Variants in VPS41 observed in about 807,000 individuals in gnomAD.
The protein encoded by VPS41 is VPS41 subunit of HOPS complex, also known as vacuolar protein sorting-associated protein 41 homolog.
VPS41 carries 85 observed loss-of-function variants against 130.9 expected under a neutral mutation model. The ratio of observed to expected loss-of-function variants is 0.65; its 90% CI spans 0.55 to 0.78. The LOEUF (loss-of-function observed/expected upper bound fraction) is 0.78, where lower values mean the gene tolerates loss of function less well. VPS41 is among the 30% of genes least tolerant of loss of function. The probability of loss-of-function intolerance (pLI) is 0.00; values close to 1 mark genes in which losing one functional copy is unlikely to be tolerated. For synonymous variants in VPS41, 335 were observed against 332.9 expected (o/e 1.01, Z -0.07); for missense variants, 874 against 1,018.7 (o/e 0.86, Z 1.93).
At chr7:38,841,148 AAAAG>A (rs373082759) in intron 4 of VPS41, among the ~76,000 whole-genome samples, 1 of 152,230 alleles carries the variant, frequency 6.6e-6, no homozygotes, top group South Asian at 2.1e-4. Flanking sequence ...TACAAAATAA[AAAAG>A]AAAGAATTTT....
At chr7:38,734,998 A>G (rs778757613) in intron 25 of VPS41, among the ~76,000 whole-genome samples, 36 of 152,210 alleles carry the variant, frequency 2.4e-4, no homozygotes, top group Non-Finnish European at 4.4e-4. Context: ...ATACGAAGGG[A>G]AAGAGATCCT....
chr7:38,798,112 AC>A (rs1784655504), intron 7 of VPS41, among the ~76,000 whole-genome samples: 1 of 151,868 alleles, frequency 6.6e-6, no homozygotes, highest in Admixed American at 6.6e-5. Flanking sequence ...ATGCCTTCCT[AC>A]CCCCACAGTT....
chr7:38,791,846 TA>T (rs1316399486), intron 9 of VPS41, among the ~76,000 whole-genome samples: 4 of 152,164 alleles, frequency 2.6e-5, no homozygotes, highest in African/African-American at 4.8e-5. Context: ...AGGATAGGTT[TA>T]GGGGGGGTAA....
chr7:38,909,153 C>A lies in VPS41; in HGVS notation c.21+1G>T. On this transcript the variant is annotated splice_donor_variant, in intron 1 of 28. Coordinates refer to ENST00000310301, the MANE Select transcript of VPS41 (RefSeq NM_014396.4). LOFTEE classifies it high-confidence loss of function. ...CCTCAACTACCACCTGCACCCTTTA[C>A]CTGCTCCTCTGCTTCCGCCATGGCG... 1 of 1,614,200 alleles carries A rather than the reference C, an allele frequency of 6.2e-7. No individual in the cohort carries two copies. The highest frequency in any genetic ancestry group is 8.5e-7 in the Non-Finnish European group (1 of 1,180,010).
At chr7:38,894,229 A>C (rs1370544556) in intron 2 of VPS41, among the ~76,000 whole-genome samples, 1 of 152,184 alleles carries the variant, frequency 6.6e-6, no homozygotes, top group East Asian at 1.9e-4. Flanking sequence ...GTGGTGTCTC[A>C]AAATATCGCT....
At chr7:38,734,402 T>C (rs989567799) in intron 25 of VPS41, among the ~76,000 whole-genome samples, 1 of 152,214 alleles carries the variant, frequency 6.6e-6, no homozygotes, top group South Asian at 2.1e-4. Context: ...TCCCTTTTCG[T>C]CATTTTGAAG....
intron 27 of VPS41, chr7:38,728,326 G>C: frequency 1.4e-6 from 1 of 699,350 alleles, no homozygotes; most frequent in Non-Finnish European, 2.6e-6. Context: ...AGCCTGCCAG[G>C]TGACGATGAC....
At chr7:38,825,570 TACGAGAGAGG>T (rs1025828212) in intron 5 of VPS41, among the ~76,000 whole-genome samples, 1 of 152,156 alleles carries the variant, frequency 6.6e-6, no homozygotes, top group African/African-American at 2.4e-5. Flanking sequence ...AATTAAAGGT[TACGAGAGAGG>T]ACCCTTTTGA....
rs2286096 is a variant in VPS41 at position 38,748,418 on chromosome 7, T to C, written c.1927-2805A>G. Among the ~76,000 whole-genome samples the C allele has an allele frequency of 7.2e-5, 11 of 152,236 alleles. No individual in the cohort carries two copies. In the East Asian group the frequency reaches 2.1e-3, roughly 29 times the overall value. ...ATCAAATGTAAATTAAATAATTATT[T>C]CTACCTATCCTTGATCTCGTCATCT... On this transcript the variant is annotated intron_variant, in intron 22 of 28. Transcript: ENST00000310301.
chr7:38,734,831 G>T (rs1336842188), intron 25 of VPS41, among the ~76,000 whole-genome samples: 2 of 152,144 alleles, frequency 1.3e-5, no homozygotes, highest in Non-Finnish European at 2.9e-5. Flanking sequence ...CAGCTACCTG[G>T]TTTTAAAAGC....
rs1392521956 is a variant in VPS41, at chr7:38,724,081, T to C, written c.*2165A>G. ...CAATTTCTGAAATGATAAACGAACATATTTTATTATTTTCCTTTTAAATCA... is the reference window on the plus strand; with the variant it reads ...CAATTTCTGAAATGATAAACGAACACATTTTATTATTTTCCTTTTAAATCA... On this transcript the variant is annotated 3_prime_UTR_variant, in exon 29 of 29. Coordinates refer to ENST00000310301, the MANE Select transcript of VPS41 (RefSeq NM_014396.4). 2.0e-5 allele frequency: 3 copies of C among 152,212 alleles called. No individual in the cohort carries two copies. The highest frequency in any genetic ancestry group is 4.8e-5 in the African/African-American group (2 of 41,456). 9.4% of individuals were successfully genotyped at this position (152,212 alleles called of 1,614,324 possible).
At chr7:38,767,670 A>G in intron 14 of VPS41, 72 bp from the exon 15 acceptor site, 1 of 1,073,222 alleles carries the variant, frequency 9.3e-7, no homozygotes, top group Non-Finnish European at 1.4e-6. Flanking sequence ...CGGTTTCTGC[A>G]CAGGGCATAA....
chr7:38,849,914 C>T (rs935716320), intron 4 of VPS41, among the ~76,000 whole-genome samples: 2 of 133,864 alleles, frequency 1.5e-5, no homozygotes, highest in Non-Finnish European at 3.2e-5. Context: ...CACTTCCTTG[C>T]CCCCCTTCCA....
chr7:38,771,028 T>C (rs567582215), intron 14 of VPS41, among the ~76,000 whole-genome samples, 170 bp downstream of exon 14: 1 of 152,316 alleles, frequency 6.6e-6, no homozygotes, highest in South Asian at 2.1e-4. Flanking sequence ...GTCTCTTGTT[T>C]ACAAGCAGAA....
At chr7:38,893,022 C>A (rs1472991869) in intron 2 of VPS41, among the ~76,000 whole-genome samples, 1 of 152,138 alleles carries the variant, frequency 6.6e-6, no homozygotes, top group Non-Finnish European at 1.5e-5. Context: ...CGCAAATGGT[C>A]TTCCTGCTAT....
At chr7:38,825,651 A>G (rs1785258916) in intron 5 of VPS41, among the ~76,000 whole-genome samples, 1 of 152,142 alleles carries the variant, frequency 6.6e-6, no homozygotes, top group Non-Finnish European at 1.5e-5. Context: ...AAAAATACCT[A>G]ATGAAGAAAA....
intron 7 of VPS41, among the ~76,000 whole-genome samples, chr7:38,804,010 G>T (rs984341443): frequency 3.9e-5 from 6 of 152,142 alleles, no homozygotes; most frequent in Non-Finnish European, 8.8e-5. Context: ...AAGTTATAAT[G>T]CTTCAATCTC....
At position 38,728,529 on chromosome 7, in the gene VPS41, A is replaced by G; in HGVS notation, c.2404+13T>C. 6.2e-7 allele frequency: 1 copy of G among 1,614,130 alleles called. No homozygotes were observed. The highest frequency in any genetic ancestry group is 1.1e-5 in the South Asian group (1 of 91,088). The stretch of plus-strand genomic sequence containing the variant: ...ATACATGTTTGGGATTTTTTTGGGG[A>G]AAACCTTCTTACCTGATGGAAGAAT... On this transcript the variant is annotated intron_variant, in intron 27 of 28. Transcript: ENST00000310301.
In VPS41 at chr7:38,796,829, C is replaced by T. The variant is rs748673059; in HGVS notation, c.486G>A (p.Trp162Ter). 1 of 1,613,990 alleles carries T rather than the reference C, an allele frequency of 6.2e-7. No individual in the cohort carries two copies. The highest frequency in any genetic ancestry group is 8.5e-7 in the Non-Finnish European group (1 of 1,179,870). The change falls in exon 8 of 29, where the codon TGG (tryptophan) becomes TGA (stop). Residue 162 changes from tryptophan (W) to a stop codon, truncating the protein, a stop_gained. Transcript: ENST00000310301. LOFTEE classifies it high-confidence loss of function. ...LLFERSWMNR[W>*]KSAVLHEGEG... ...CCCCTTCATGCAGAACAGCAGACTT[C>T]CATCTGTTCATCCAAGACCGTTCAA... is the stretch of plus-strand genomic sequence containing the variant.
Sources: allele counts gnomAD v4.1 joint callset (sites outside exome capture counted in the v4.1 genomes callset), GRCh38; gene constraint gnomAD v4.1.1; transcripts MANE v1.5; gene names NCBI Gene and HGNC (gene_info 2026-07-23, HGNC 2026-07-21).